EIF2B1: variants seen among roughly 807,000 people sequenced by gnomAD.
EIF2B1 encodes the protein eukaryotic translation initiation factor 2B subunit alpha, also known as translation initiation factor eIF2B subunit alpha.
In EIF2B1, 30 loss-of-function variants were observed where a neutral mutation model predicts 36.8. The ratio of observed to expected loss-of-function variants is 0.81; its 90% CI spans 0.61 to 1.10. The LOEUF (loss-of-function observed/expected upper bound fraction) is 1.10, where lower values mean the gene tolerates loss of function less well. EIF2B1 is among the 50% of genes least tolerant of loss of function. The probability of loss-of-function intolerance (pLI) is 0.00; values close to 1 mark genes in which losing one functional copy is unlikely to be tolerated. For synonymous variants in EIF2B1, 139 were observed against 142.2 expected (o/e 0.98, Z 0.16); for missense variants, 271 against 374.8 (o/e 0.72, Z 2.29).
At chr12:123,628,309 C>T (rs1955163047) in intron 4 of EIF2B1, among the ~76,000 whole-genome samples, 1 of 149,336 alleles carries the variant, frequency 6.7e-6, no homozygotes, top group Admixed American at 6.7e-5. Context: ...GAACCTCCGG[C>T]TAGGATTATA....
intron 5 of EIF2B1, 185 bp downstream of exon 5, chr12:123,626,859 A>G (rs1955152594): frequency 1.4e-6 from 1 of 713,542 alleles, no homozygotes; most frequent in Non-Finnish European, 2.5e-6. Context: ...CCCCTAGATC[A>G]TATACTGCGG....
chr12:123,630,584 G>T lies in EIF2B1; in HGVS notation c.116-51C>A. 1 of 1,604,702 alleles carries T rather than the reference G, an allele frequency of 6.2e-7. No homozygotes were observed. The highest frequency in any genetic ancestry group is 1.1e-5 in the South Asian group (1 of 90,960). On this transcript the variant is annotated intron_variant, in intron 2 of 8. Coordinates refer to ENST00000424014, the MANE Select transcript of EIF2B1 (RefSeq NM_001414.4). The surrounding 1 kb of genome is among the most constrained non-coding windows in gnomAD (Gnocchi z 4.6). ...ATGTTCACATTAGGGCCACAGCCCC[G>T]ACCTGTATCTTCAATTCATTCATTC...
Position 123,630,537 on chromosome 12 carries a change from G to A in EIF2B1, c.116-4C>T, listed in dbSNP as rs202096209. On this transcript the variant is annotated splice_polypyrimidine_tract_variant and splice_region_variant and intron_variant, in intron 2 of 8. Coordinates refer to ENST00000424014, the MANE Select transcript of EIF2B1 (RefSeq NM_001414.4). The surrounding 1 kb of genome is among the most constrained non-coding windows in gnomAD (Gnocchi z 4.6). ...CTCAGACCCTGGATTGTCTCCCCTG[G>A]AATGATCCAACAAGGAATGTGATGT... 2 of 1,611,722 alleles carry A rather than the reference G, an allele frequency of 1.2e-6. No homozygotes were observed. Among genetic ancestry groups the A allele is most frequent in the African/African-American group, 1.3e-5 (1 of 75,040 alleles).
At chr12:123,624,992 G>C (rs375881140) in intron 6 of EIF2B1, 130 bp from the exon 7 acceptor site, 1 of 803,684 alleles carries the variant, frequency 1.2e-6, no homozygotes, top group Non-Finnish European at 2.1e-6. Flanking sequence ...TTTTTAAAGC[G>C]CACTTAACAC....
chr12:123,624,086 A>C (rs2135761095), intron 7 of EIF2B1, among the ~76,000 whole-genome samples: 1 of 148,876 alleles, frequency 6.7e-6, no homozygotes, highest in South Asian at 2.1e-4. Flanking sequence ...TTTTATACAT[A>C]CATACTTTAT....
At chr12:123,633,665 CTCCGCACCCCACTTCCGGCGCACT>C in exon 1 of EIF2B1, 1 of 1,538,660 alleles carries the variant, frequency 6.5e-7, no homozygotes, top group Non-Finnish European at 8.9e-7. Flanking sequence ...CGCTGCACAC[CTCCGCACCCCACTTCCGGCGCACT>C]TCCGTACCCC....
In EIF2B1 at chr12:123,620,627, T is replaced by TATATATATATATAA. The variant is rs1250251932; in HGVS notation, c.*1128_*1129insTTATATATATATAT. ...ATATATATATATATATATATATATA[T>TATATATATATATAA]AAGCTCTTTTTTCTGAGGCTATTTT... On this transcript the variant is annotated 3_prime_UTR_variant, in exon 9 of 9. Transcript: ENST00000424014. 4.0e-5 allele frequency: 4 copies of TATATATATATATAA among 99,842 alleles called. No homozygotes were observed. The highest frequency in any genetic ancestry group is 6.4e-5 in the Non-Finnish European group (3 of 46,672). The allele number at this position is 99,842 out of a possible 1,614,324, so 6.2% of individuals were successfully genotyped here.
intron 2 of EIF2B1, 63 bp downstream of exon 2, chr12:123,632,282 A>AAG (rs1269774717): frequency 1.2e-5 from 14 of 1,130,852 alleles, no homozygotes; most frequent in Non-Finnish European, 1.7e-5. Flanking sequence ...AAAAAAAAAA[A>AAG]AAAGAAAAGA....
chr12:123,624,658 A>G, intron 7 of EIF2B1, 129 bp downstream of exon 7: 2 of 807,270 alleles, frequency 2.5e-6, no homozygotes, highest in South Asian at 2.8e-5. Flanking sequence ...GCAACAACTC[A>G]ATACCATGAT....
chr12:123,632,342 T>C lies in EIF2B1; in HGVS notation c.115+3A>G. On this transcript the variant is annotated splice_donor_region_variant and intron_variant, in intron 2 of 8. Coordinates refer to ENST00000424014, the MANE Select transcript of EIF2B1 (RefSeq NM_001414.4). ...GAGTGTTAACAGATGACTCTCTATATACCTTTATCTCTCTTCAAGAACTCC... is the reference window on the plus strand; with the variant it reads ...GAGTGTTAACAGATGACTCTCTATACACCTTTATCTCTCTTCAAGAACTCC... The C allele has an allele frequency of 1.3e-6, 2 of 1,583,568 alleles. No individual in the cohort carries two copies. Among genetic ancestry groups the C allele is most frequent in the Non-Finnish European group, 1.7e-6 (2 of 1,153,368 alleles).
chr12:123,629,522 G>A (rs1419295006), intron 4 of EIF2B1, among the ~76,000 whole-genome samples: 1 of 152,138 alleles, frequency 6.6e-6, no homozygotes, highest in Admixed American at 6.6e-5. Flanking sequence ...GGCCAGGTGC[G>A]GTGGCTCACG....
chr12:123,629,002 CGAGAGG>C (rs113465265), intron 4 of EIF2B1, among the ~76,000 whole-genome samples: 5,624 of 152,170 alleles, frequency 0.037, 265 homozygotes, highest in African/African-American at 0.11. Context: ...AAGGCCCCAG[CGAGAGG>C]AAGTCACAAC....
At chr12:123,626,950 G>A in intron 5 of EIF2B1, 94 bp downstream of exon 5, 1 of 1,136,754 alleles carries the variant, frequency 8.8e-7, no homozygotes, top group Non-Finnish European at 1.3e-6. Flanking sequence ...GGCAAGCTGG[G>A]GGCACATTCT....
At chr12:123,629,650 G>A (rs1015576855) in intron 4 of EIF2B1, among the ~76,000 whole-genome samples, 2 of 152,080 alleles carry the variant, frequency 1.3e-5, no homozygotes, top group African/African-American at 4.8e-5. Flanking sequence ...AAAATTAGCT[G>A]GGCTTGCTGG....
At position 123,621,919 on chromosome 12, in the gene EIF2B1, T is replaced by C. The variant is rs1458322847; in HGVS notation, c.755A>G (p.Tyr252Cys). The C allele has an allele frequency of 6.2e-7, 1 of 1,613,994 alleles. No individual in the cohort carries two copies. Among genetic ancestry groups the C allele is most frequent in the Non-Finnish European group, 8.5e-7 (1 of 1,180,030 alleles). ...NQQDVPDKFK[Y>C]KADTLKVAQT... Reference sequence around the variant, plus strand: ...CGCGACCTTGAGAGTGTCTGCCTTATACTGAGGAGAGAAGTACACATTAGT... The same window carrying C: ...CGCGACCTTGAGAGTGTCTGCCTTACACTGAGGAGAGAAGTACACATTAGT... The change falls in exon 9 of 9, where the codon TAT becomes TGT. Residue 252 changes from tyrosine (Y) to cysteine (C), a missense_variant and splice_region_variant. Physicochemically the swap from Tyr to Cys is radical, Grantham distance 194 (BLOSUM62 -2). Coordinates refer to ENST00000424014, the MANE Select transcript of EIF2B1 (RefSeq NM_001414.4).
chr12:123,628,271 G>C (rs527261726), intron 4 of EIF2B1, among the ~76,000 whole-genome samples: 13 of 151,824 alleles, frequency 8.6e-5, no homozygotes, highest in African/African-American at 2.7e-4. Context: ...ATGTTGCTCA[G>C]GCTAGTGTTG....
chr12:123,622,547 G>GA, intron 8 of EIF2B1, 89 bp downstream of exon 8: 1 of 1,576,698 alleles, frequency 6.3e-7, no homozygotes, highest in Non-Finnish European at 8.7e-7. Flanking sequence ...AATAGGAAGT[G>GA]AAAAAATTAC....
intron 1 of EIF2B1, 56 bp downstream of exon 1, chr12:123,633,489 G>C: frequency 6.2e-7 from 1 of 1,613,146 alleles, no homozygotes. Flanking sequence ...GAGAGGTTGG[G>C]GGGACCCCTG....
chr12:123,627,042 G>C lies in EIF2B1; in HGVS notation c.482+2C>G, dbSNP rs762724593. On this transcript the variant is annotated splice_donor_variant, in intron 5 of 8. Transcript: ENST00000424014. LOFTEE classifies it high-confidence loss of function. Reference sequence around the variant, plus strand: ...CACATAACTGAACAGAAAGGTACTTGCCCTGACAAATCAGGCTGTGACTCT... The same window carrying C: ...CACATAACTGAACAGAAAGGTACTTCCCCTGACAAATCAGGCTGTGACTCT... 6.2e-7 allele frequency: 1 copy of C among 1,613,272 alleles called. No homozygotes were observed. Among genetic ancestry groups the C allele is most frequent in the Non-Finnish European group, 8.5e-7 (1 of 1,179,250 alleles).
Sources: allele counts gnomAD v4.1 joint callset (sites outside exome capture counted in the v4.1 genomes callset), GRCh38; gene constraint gnomAD v4.1.1; non-coding constraint Gnocchi (gnomAD v3.1); transcripts MANE v1.5; gene names NCBI Gene and HGNC (gene_info 2026-07-23, HGNC 2026-07-21).